The following GABRG2 variants were observed in gnomAD, a reference collection of about 807,000 sequenced individuals.
The protein encoded by GABRG2 is gamma-aminobutyric acid type A receptor subunit gamma2, also known as gamma-aminobutyric acid receptor subunit gamma-2.
In GABRG2, 16 loss-of-function variants were observed where a neutral mutation model predicts 56.4. That is an observed-to-expected ratio of 0.28 (90% confidence interval 0.19 to 0.43). The LOEUF (loss-of-function observed/expected upper bound fraction) is 0.43, where lower values mean the gene tolerates loss of function less well. Ranked by LOEUF, GABRG2 falls within the 20% of genes least tolerant of loss-of-function variation. The pLI, the probability that GABRG2 is intolerant of heterozygous loss-of-function variation, is 1.00. For synonymous variants in GABRG2, 208 were observed against 205.5 expected (o/e 1.01, Z -0.10); for missense variants, 327 against 582.7 (o/e 0.56, Z 4.52).
At chr5:162,108,538 C>T (rs1396442882) in intron 6 of GABRG2, among the ~76,000 whole-genome samples, 1 of 152,168 alleles carries the variant, frequency 6.6e-6, no homozygotes, top group South Asian at 2.1e-4. Flanking sequence ...TTCAACAGTG[C>T]CTTTGCTGAT....
At chr5:162,089,114 G>T (rs774430126) in intron 1 of GABRG2, among the ~76,000 whole-genome samples, 2 of 152,088 alleles carry the variant, frequency 1.3e-5, no homozygotes, top group East Asian at 3.9e-4. Flanking sequence ...TGGTCTCTAC[G>T]ATGGGATGTT....
chr5:162,080,849 A>C (rs1759599424), intron 1 of GABRG2, among the ~76,000 whole-genome samples: 1 of 152,170 alleles, frequency 6.6e-6, no homozygotes, highest in African/African-American at 2.4e-5. Flanking sequence ...CTATTATGTC[A>C]ATGATTTAAA....
At chr5:162,103,682 C>G in intron 5 of GABRG2, 1 of 594,108 alleles carries the variant, frequency 1.7e-6, no homozygotes. Flanking sequence ...GTAAATTTGA[C>G]CTTTGGATTT....
rs1258808236 is a variant in GABRG2 at position 162,126,556 on chromosome 5, G to A, written c.770-15608G>A. 2.0e-5 allele frequency among the ~76,000 whole-genome samples: 3 copies of A among 152,040 alleles called. No individual in the cohort carries two copies. In the East Asian group the frequency reaches 5.8e-4, roughly 30 times the overall value. On this transcript the variant is annotated intron_variant, in intron 6 of 9. Coordinates refer to ENST00000639213, the MANE Select transcript of GABRG2 (RefSeq NM_198904.4). The stretch of plus-strand genomic sequence containing the variant: ...AGGTTTCCCTCTGCACACCAAAGGT[G>A]GTAGATGGCCTAGGAAATGCTTCAC...
At chr5:162,127,516 G>A (rs964230715) in intron 6 of GABRG2, among the ~76,000 whole-genome samples, 3 of 151,832 alleles carry the variant, frequency 2.0e-5, no homozygotes, top group African/African-American at 7.3e-5. Flanking sequence ...CCATATGTGA[G>A]CAACACTGAG....
At chr5:162,148,780 C>T (rs1164063349) in intron 7 of GABRG2, among the ~76,000 whole-genome samples, 2 of 152,162 alleles carry the variant, frequency 1.3e-5, no homozygotes, top group Non-Finnish European at 2.9e-5. Flanking sequence ...ACTAGCTTCT[C>T]ACCATCCCTG....
chr5:162,123,355 G>A (rs1054053507), intron 6 of GABRG2, among the ~76,000 whole-genome samples: 3 of 150,590 alleles, frequency 2.0e-5, no homozygotes, highest in Non-Finnish European at 4.4e-5. Context: ...AATGTTCTAG[G>A]CATATGAAAC....
chr5:162,142,110 T>C, intron 6 of GABRG2, 54 bp from the exon 7 acceptor site: 1 of 1,569,412 alleles, frequency 6.4e-7, no homozygotes, highest in Non-Finnish European at 8.8e-7. Flanking sequence ...TTAGTTTTAA[T>C]GTTTTCCAGT....
intron 1 of GABRG2, among the ~76,000 whole-genome samples, chr5:162,093,118 T>C (rs1271664150): frequency 6.6e-6 from 1 of 152,198 alleles, no homozygotes; most frequent in African/African-American, 2.4e-5. Flanking sequence ...TGATCAGTTA[T>C]AACAAGTCAT....
Position 162,149,145 on chromosome 5 carries a change from C to T in GABRG2, c.960C>T (p.Thr320=), listed in dbSNP as rs1765175376. 1 of 1,614,014 alleles carries T rather than the reference C, an allele frequency of 6.2e-7. No individual in the cohort carries two copies. Among genetic ancestry groups the T allele is most frequent in the Non-Finnish European group, 8.5e-7 (1 of 1,179,942 alleles). Residue 320 remains threonine (T), a synonymous_variant, in exon 8 of 10, where the codon ACC becomes ACT. Transcript: ENST00000639213. The stretch of plus-strand genomic sequence containing the variant: ...TCCTGACAATGACCACCCTCAGCAC[C>T]ATTGCCCGGAAATCGCTCCCCAAGG... ...TTVLTMTTLS[T]IARKSLPKVS... is the part of the protein sequence containing the mutation.
At chr5:162,134,424 G>T (rs993077613) in intron 6 of GABRG2, among the ~76,000 whole-genome samples, 2 of 152,056 alleles carry the variant, frequency 1.3e-5, no homozygotes, top group Non-Finnish European at 2.9e-5. Context: ...TGACATTAAC[G>T]TACCATCCTA....
At position 162,093,953 on chromosome 5, in the gene GABRG2, A is replaced by T; in HGVS notation, c.233A>T (p.Asp78Val). 6.2e-7 allele frequency: 1 copy of T among 1,613,322 alleles called. No homozygotes were observed. The highest frequency in any genetic ancestry group is 1.1e-5 in the South Asian group (1 of 91,080). The change falls in exon 2 of 10, where the codon GAC (aspartate) becomes GTC (valine). Residue 78 changes from aspartate to valine, a missense_variant. Asp to Val is a radical substitution (Grantham distance 152). Around this residue, in one of 4 missense-constraint regions of GABRG2, gnomAD observed 104 missense variants for 209.3 expected, o/e 0.50. Transcript: ENST00000639213. Reference sequence around the variant, plus strand: ...TTAAACAACCTGCTGGAAGGATATGACAATAAACTTCGGCCTGATATAGGA... The same window carrying T: ...TTAAACAACCTGCTGGAAGGATATGTCAATAAACTTCGGCCTGATATAGGA... The part of the protein sequence containing the change: ...VILNNLLEGY[D>V]NKLRPDIGVK...
intron 3 of GABRG2, among the ~76,000 whole-genome samples, chr5:162,097,238 G>A (rs755662981): frequency 2.6e-5 from 4 of 152,118 alleles, no homozygotes; most frequent in Non-Finnish European, 5.9e-5. Context: ...ATTGAGTATG[G>A]GTTTGGGGTT....
Position 162,153,643 on chromosome 5 carries a change from A to T in GABRG2, c.*275A>T. 1.9e-6 allele frequency: 1 copy of T among 530,064 alleles called. No homozygotes were observed. Among genetic ancestry groups the T allele is most frequent in the Non-Finnish European group, 3.4e-6 (1 of 293,866 alleles). 32.8% of individuals were successfully genotyped at this position (530,064 alleles called of 1,614,324 possible). On this transcript the variant is annotated 3_prime_UTR_variant, in exon 10 of 10. Coordinates refer to ENST00000639213, the MANE Select transcript of GABRG2 (RefSeq NM_198904.4). ...AAACCAAATAAGATATTTTTCAGCT[A>T]CAGCAAATAAAACAGTGAAAGCCCT...
At position 162,132,101 on chromosome 5, in the gene GABRG2, T is replaced by G. The variant is rs1005222152; in HGVS notation, c.770-10063T>G. Among the ~76,000 whole-genome samples, 21 of 151,710 alleles carry G rather than the reference T, an allele frequency of 1.4e-4. 1 individual carries two copies. The highest frequency in any genetic ancestry group is 4.0e-4 in the Admixed American group (6 of 15,096). On this transcript the variant is annotated intron_variant, in intron 6 of 9. Transcript: ENST00000639213. ...TTGCAAGAACTCTGTCAGGTTGCTA[T>G]GGAGAATTTTGTCATCTCTATTTTA...
chr5:162,125,106 G>C (rs1208740046), intron 6 of GABRG2, among the ~76,000 whole-genome samples: 3 of 151,162 alleles, frequency 2.0e-5, no homozygotes, highest in African/African-American at 7.3e-5. Context: ...AATTATGTCG[G>C]AAAAAATAAA....
chr5:162,083,009 G>C (rs1561637823), intron 1 of GABRG2, among the ~76,000 whole-genome samples: 3 of 151,186 alleles, frequency 2.0e-5, no homozygotes, highest in East Asian at 3.9e-4. Context: ...AGAAAAGAAA[G>C]AAACAAACAA....
At chr5:162,097,937 A>AC in intron 4 of GABRG2, 79 bp downstream of exon 4, 3 of 1,249,460 alleles carry the variant, frequency 2.4e-6, no homozygotes, top group Non-Finnish European at 3.5e-6. Context: ...AGTCTCTAAA[A>AC]GAAAAAAAAA....
intron 1 of GABRG2, among the ~76,000 whole-genome samples, chr5:162,069,938 G>A (rs1352389309): frequency 6.6e-6 from 1 of 152,022 alleles, no homozygotes; most frequent in African/African-American, 2.4e-5. Context: ...AGACACAAGG[G>A]AATGTCTTTC....
Sources: gnomAD v4.1 joint callset for allele counts (sites outside exome capture counted in the v4.1 genomes callset) on GRCh38, gnomAD v4.1.1 for gene constraint, gnomAD v4.1.1 regional missense constraint, MANE v1.5 for transcripts, NCBI Gene and HGNC (gene_info 2026-07-23, HGNC 2026-07-21) for gene names.